Variants in GALNT13 observed in about 807,000 individuals in gnomAD.
The protein encoded by GALNT13 is UDP-GalNAc:polypeptide N-acetylgalactosaminyltransferase 13.
A neutral mutation model predicts 64.2 loss-of-function variants in GALNT13; 28 were observed. The observed-to-expected ratio is 0.44, with a 90% CI of 0.32 to 0.60. The LOEUF (loss-of-function observed/expected upper bound fraction) is 0.60. Among genes scored for constraint, GALNT13 ranks in the 20% least tolerant of loss-of-function variants. The probability of loss-of-function intolerance (pLI) is 0.05; values close to 1 mark genes in which losing one functional copy is unlikely to be tolerated. For missense variants in GALNT13, 577 were observed against 669.8 expected (o/e 0.86, Z 1.53); for synonymous variants, 214 against 224.6 (o/e 0.95, Z 0.42).
rs1684815612 is a variant in GALNT13, at chr2:154,162,918, G to C, written c.311+22413G>C. Among the ~76,000 whole-genome samples, 3 of 151,140 alleles carry C rather than the reference G, an allele frequency of 2.0e-5. No individual in the cohort carries two copies. In the South Asian group the frequency reaches 6.3e-4, roughly 32 times the overall value. ...AGCCGAGTTTTCCAAAGTCACTTAT[G>C]AAAAAGAACAAAACTCTGTCTCAAC... On this transcript the variant is annotated intron_variant, in intron 4 of 12. Transcript: ENST00000392825.
chr2:154,008,110 C>T (rs1696380479), intron 3 of GALNT13, among the ~76,000 whole-genome samples: 1 of 152,104 alleles, frequency 6.6e-6, no homozygotes, highest in African/African-American at 2.4e-5. Flanking sequence ...AAATTTTTCT[C>T]TCATAAGAGA....
At chr2:153,491,016 G>A in the GALNT13 span, among the ~76,000 whole-genome samples, 13 of 150,548 alleles carry the variant, frequency 8.6e-5, no homozygotes, top group Admixed American at 6.6e-5. Context: ...TGATAGTATC[G>A]ATATAATTTT....
intron 12 of GALNT13, among the ~76,000 whole-genome samples, chr2:154,448,012 C>G (rs1011330394): frequency 6.6e-6 from 1 of 152,086 alleles, no homozygotes. Context: ...GTTCTTACAG[C>G]CTTCTTTACA....
At chr2:153,119,233 A>G in the GALNT13 span, among the ~76,000 whole-genome samples, 1 of 152,136 alleles carries the variant, frequency 6.6e-6, no homozygotes, top group Non-Finnish European at 1.5e-5. Context: ...GAACTAATAC[A>G]TAAGTGCACA....
At chr2:154,429,337 G>A (rs1379025330) in intron 11 of GALNT13, among the ~76,000 whole-genome samples, 1 of 152,116 alleles carries the variant, frequency 6.6e-6, no homozygotes, top group Non-Finnish European at 1.5e-5. Flanking sequence ...TGTTACTCTA[G>A]TAAACACATA....
the GALNT13 span, among the ~76,000 whole-genome samples, chr2:153,199,516 A>G: frequency 1.1e-3 from 161 of 152,312 alleles, 1 homozygote; most frequent in African/African-American, 3.8e-3. Flanking sequence ...TGGACAAAGG[A>G]CAGATGTTGT....
chr2:153,982,551 A>C (rs1694533369), intron 3 of GALNT13, among the ~76,000 whole-genome samples: 1 of 152,080 alleles, frequency 6.6e-6, no homozygotes, highest in Non-Finnish European at 1.5e-5. Flanking sequence ...GAGACAGATT[A>C]GTTTCTGCAT....
At chr2:154,297,900 A>G (rs1488937387) in intron 8 of GALNT13, among the ~76,000 whole-genome samples, 1 of 152,164 alleles carries the variant, frequency 6.6e-6, no homozygotes, top group Non-Finnish European at 1.5e-5. Context: ...GAAAAAAATA[A>G]GACCTGGCTG....
At chr2:154,242,666 AT>A in intron 5 of GALNT13, 31 bp from the exon 6 acceptor site, 6 of 1,481,402 alleles carry the variant, frequency 4.1e-6, no homozygotes, top group Non-Finnish European at 5.6e-6. Flanking sequence ...AGTTTCAAAA[AT>A]TTTTCTTATA....
chr2:153,558,467 G>A, the GALNT13 span, among the ~76,000 whole-genome samples: 5 of 152,162 alleles, frequency 3.3e-5, no homozygotes, highest in African/African-American at 1.2e-4. Flanking sequence ...ATATCTTAGC[G>A]ATGGCATCAT....
chr2:153,802,312 G>A, the GALNT13 span, among the ~76,000 whole-genome samples: 1 of 152,158 alleles, frequency 6.6e-6, no homozygotes. Context: ...AGAAAACTGA[G>A]TGTTTCTAAT....
At chr2:153,251,083 A>C in the GALNT13 span, among the ~76,000 whole-genome samples, 1 of 152,158 alleles carries the variant, frequency 6.6e-6, no homozygotes. Flanking sequence ...TCTTTTAGAT[A>C]GTAGGTCCTC....
chr2:153,671,833 C>T, the GALNT13 span, among the ~76,000 whole-genome samples: 33 of 151,856 alleles, frequency 2.2e-4, no homozygotes, highest in Non-Finnish European at 2.9e-5. Flanking sequence ...CACACGTAGG[C>T]TCAAAATAAA....
the GALNT13 span, among the ~76,000 whole-genome samples, chr2:153,694,478 A>G: frequency 6.6e-6 from 1 of 152,226 alleles, no homozygotes; most frequent in Non-Finnish European, 1.5e-5. Context: ...TAAATCTCAC[A>G]GATATAATGA....
At chr2:153,358,993 CA>C in the GALNT13 span, among the ~76,000 whole-genome samples, 3 of 152,148 alleles carry the variant, frequency 2.0e-5, no homozygotes, top group Non-Finnish European at 4.4e-5. Flanking sequence ...GTATATTATA[CA>C]AATCCTTTCA....
At chr2:153,589,415 G>C in the GALNT13 span, among the ~76,000 whole-genome samples, 1 of 152,084 alleles carries the variant, frequency 6.6e-6, no homozygotes, top group African/African-American at 2.4e-5. Context: ...CACATTTTCT[G>C]TCTTCTTCTG....
the GALNT13 span, among the ~76,000 whole-genome samples, chr2:153,562,232 T>C: frequency 6.6e-6 from 1 of 152,152 alleles, no homozygotes; most frequent in African/African-American, 2.4e-5. Flanking sequence ...ACTGAAGGCC[T>C]GTGCTTTTTT....
At chr2:153,528,534 A>C in the GALNT13 span, among the ~76,000 whole-genome samples, 2 of 152,026 alleles carry the variant, frequency 1.3e-5, no homozygotes, top group African/African-American at 4.8e-5. Flanking sequence ...AAAATCAAAG[A>C]AACATTGGAC....
the GALNT13 span, among the ~76,000 whole-genome samples, chr2:153,425,965 A>G: frequency 6.6e-6 from 1 of 151,928 alleles, no homozygotes; most frequent in African/African-American, 2.4e-5. Flanking sequence ...TCCAAAAAAC[A>G]TAAAAAACTT....
Sources: allele counts gnomAD v4.1 joint callset (sites outside exome capture counted in the v4.1 genomes callset), GRCh38; gene constraint gnomAD v4.1.1; transcripts MANE v1.5; gene names NCBI Gene and HGNC (gene_info 2026-07-23, HGNC 2026-07-21).